EFR3B: variants seen among roughly 807,000 people sequenced by gnomAD.
The protein encoded by EFR3B is protein EFR3 homolog B.
Under a neutral mutation model 104.7 loss-of-function variants are expected in EFR3B, and 64 were observed. That is an observed-to-expected ratio of 0.61 (90% CI 0.50 to 0.75). The LOEUF (loss-of-function observed/expected upper bound fraction) is 0.75. Among genes scored for constraint, EFR3B ranks in the 30% least tolerant of loss-of-function variants. The pLI is 0.00. For missense variants in EFR3B, 750 were observed against 1,078.5 expected, an observed-to-expected ratio of 0.70 and a Z score of 4.27; for synonymous variants, 385 against 417.9, an observed-to-expected ratio of 0.92 and a Z score of 0.96.
chr2:25,105,250 T>G (rs1294072381), intron 4 of EFR3B, among the ~76,000 whole-genome samples: 2 of 152,202 alleles, frequency 1.3e-5, no homozygotes, highest in African/African-American at 4.8e-5. Flanking sequence ...CCTCCTGGGT[T>G]CAAGTAATTC....
chr2:25,137,637 G>GCCAA lies in EFR3B; in HGVS notation c.1722+138_1722+139insACCA. On this transcript the variant is annotated intron_variant, in intron 15 of 22. Transcript: ENST00000403714. This position sits in a 1 kb window ranked among gnomAD's most constrained non-coding sequence, Gnocchi z 4.7. ...CCCAGGAATATTGTACTCGTGGTTG[G>GCCAA]CCACGCCTCCCTGAAGACCCCAAAC... 7.7e-7 allele frequency: 1 copy of GCCAA among 1,295,878 alleles called. No individual in the cohort carries two copies. Among genetic ancestry groups the GCCAA allele is most frequent in the Non-Finnish European group, 1.0e-6 (1 of 952,758 alleles). The allele number at this position is 1,295,878 out of a possible 1,614,324, so 80.3% of individuals were successfully genotyped here. A position where few individuals can be genotyped will look rare whatever the true frequency, so the allele number is the denominator to read the frequency against.
At chr2:25,047,059 T>C (rs1222238997) in intron 1 of EFR3B, among the ~76,000 whole-genome samples, 1 of 152,192 alleles carries the variant, frequency 6.6e-6, no homozygotes, top group African/African-American at 2.4e-5. Flanking sequence ...CTCTTGCTGC[T>C]CACAGTTCAG....
intron 5 of EFR3B, among the ~76,000 whole-genome samples, chr2:25,126,368 T>C (rs1376596856): frequency 3.3e-5 from 5 of 152,120 alleles, no homozygotes; most frequent in African/African-American, 1.2e-4. Context: ...TCTTTCTTTT[T>C]TTTTTTTTTG....
At chr2:25,063,392 C>T (rs1668250422) in intron 1 of EFR3B, among the ~76,000 whole-genome samples, 1 of 152,138 alleles carries the variant, frequency 6.6e-6, no homozygotes, top group Admixed American at 6.6e-5. Flanking sequence ...GTATAAGGAC[C>T]TATACTCTCT....
At chr2:25,081,324 G>GA (rs1378992644) in intron 1 of EFR3B, 3 of 904,250 alleles carry the variant, frequency 3.3e-6, no homozygotes, top group Non-Finnish European at 5.3e-6. Flanking sequence ...AACTTCTTTT[G>GA]AACCTGCTTC....
Position 25,042,206 on chromosome 2 carries a change from C to T in EFR3B, c.-107C>T. 8.7e-7 allele frequency: 1 copy of T among 1,147,110 alleles called. No individual in the cohort carries two copies. Among genetic ancestry groups the T allele is most frequent in the Non-Finnish European group, 1.1e-6 (1 of 914,486 alleles). The allele number at this position is 1,147,110 out of a possible 1,614,324, so 71.1% of individuals were successfully genotyped here. A position where few individuals can be genotyped will look rare whatever the true frequency, so the allele number is the denominator to read the frequency against. On this transcript the variant is annotated 5_prime_UTR_variant, in exon 1 of 23. Transcript: ENST00000403714. This position sits in a 1 kb window ranked among gnomAD's most constrained non-coding sequence, Gnocchi z 5.4. Reference sequence around the variant, plus strand: ...CCTCCCCGCCCGGGCCCCTGTCGGCCGCCGCCAGTCCCCGCCCCGACTGTG... The same window carrying T: ...CCTCCCCGCCCGGGCCCCTGTCGGCTGCCGCCAGTCCCCGCCCCGACTGTG...
intron 4 of EFR3B, among the ~76,000 whole-genome samples, chr2:25,104,287 T>C (rs1209578130): frequency 6.6e-6 from 1 of 152,178 alleles, no homozygotes; most frequent in East Asian, 1.9e-4. Flanking sequence ...GAAAATCACT[T>C]GAACCCAGGA....
At chr2:25,145,412 A>T in intron 19 of EFR3B, 1 of 350,892 alleles carries the variant, frequency 2.8e-6, no homozygotes, top group Non-Finnish European at 5.1e-6. Flanking sequence ...CTCTACAAAA[A>T]ATAATTGAAA....
Position 25,055,375 on chromosome 2 carries a change from C to G in EFR3B, c.7+13056C>G, listed in dbSNP as rs186642497. Among the ~76,000 whole-genome samples, 136 of 152,228 alleles carry G rather than the reference C, an allele frequency of 8.9e-4. 1 individual carries two copies. Among genetic ancestry groups the G allele is most frequent in the African/African-American group, 3.2e-3 (131 of 41,552 alleles). ...GTTATACGAGTCCCTCACTGGGGACCCATAGGGACTTTTAAGCTTGGTACT... is the reference window on the plus strand; with the variant it reads ...GTTATACGAGTCCCTCACTGGGGACGCATAGGGACTTTTAAGCTTGGTACT... On this transcript the variant is annotated intron_variant, in intron 1 of 22. Transcript: ENST00000403714.
Position 25,133,034 on chromosome 2 carries a change from C to G in EFR3B, c.1259+20C>G, listed in dbSNP as rs764608762. The G allele has an allele frequency of 1.1e-5, 17 of 1,543,376 alleles. No homozygotes were observed. The East Asian group carries it at 2.0e-4, about 18-fold the overall frequency. On this transcript the variant is annotated intron_variant, in intron 11 of 22. Transcript: ENST00000403714. Reference sequence around the variant, plus strand: ...GACGGGGTGAGCCACCAATCTCCCCCAGCCTGGAGTCCTCCTCTCCCCCAG... The same window carrying G: ...GACGGGGTGAGCCACCAATCTCCCCGAGCCTGGAGTCCTCCTCTCCCCCAG...
Position 25,050,337 on chromosome 2 carries a change from C to T in EFR3B, c.7+8018C>T, listed in dbSNP as rs139486998. ...GAAGCAGAGGAGGAGACAGTTGTTG[C>T]AGCCACAGGTGTGGCTTAAGGAGCA... is the stretch of plus-strand genomic sequence containing the variant. On this transcript the variant is annotated intron_variant, in intron 1 of 22. Coordinates refer to ENST00000403714, the MANE Select transcript of EFR3B (RefSeq NM_014971.2). 5.4e-3 allele frequency among the ~76,000 whole-genome samples: 824 copies of T among 152,166 alleles called. 7 individuals are homozygous for T. Among genetic ancestry groups the T allele is most frequent in the African/African-American group, 0.019 (791 of 41,522 alleles).
rs1395383267 is a variant in EFR3B at position 25,158,103 on chromosome 2, C to T, written c.*3763C>T. ...TAGCCAGGGGTTCTTCTGAACAGCT[C>T]AGGCCAGACCTCTGGGCTCCTCTGG... On this transcript the variant is annotated 3_prime_UTR_variant, in exon 23 of 23. Transcript: ENST00000403714. 1 of 152,312 alleles carries T rather than the reference C, an allele frequency of 6.6e-6. No homozygotes were observed. Among genetic ancestry groups the T allele is most frequent in the Non-Finnish European group, 1.5e-5 (1 of 68,090 alleles). 9.4% of individuals were successfully genotyped at this position (152,312 alleles called of 1,614,324 possible). A position where few individuals can be genotyped will look rare whatever the true frequency, so the allele number is the denominator to read the frequency against.
At chr2:25,071,613 C>G (rs553069223) in intron 1 of EFR3B, among the ~76,000 whole-genome samples, 42 of 152,300 alleles carry the variant, frequency 2.8e-4, no homozygotes, top group Non-Finnish European at 5.7e-4. Context: ...TCGTAACTTT[C>G]ATAGTTTTGG....
At chr2:25,108,252 C>A (rs1669621297) in intron 4 of EFR3B, among the ~76,000 whole-genome samples, 1 of 152,170 alleles carries the variant, frequency 6.6e-6, no homozygotes, top group African/African-American at 2.4e-5. Context: ...TCCTTACTCA[C>A]TGGGGATTCA....
chr2:25,055,805 G>A (rs566736279), intron 1 of EFR3B, among the ~76,000 whole-genome samples: 1 of 152,252 alleles, frequency 6.6e-6, no homozygotes, highest in African/African-American at 2.4e-5. Flanking sequence ...TAGAGCAGAA[G>A]CATACAGGGT....
chr2:25,151,834 T>C (rs1671017352), intron 20 of EFR3B, 80 bp from the exon 21 acceptor site: 5 of 1,471,988 alleles, frequency 3.4e-6, no homozygotes, highest in Middle Eastern at 1.8e-4. Context: ...GCAATGCTCA[T>C]GGACAGTGCT....
intron 1 of EFR3B, among the ~76,000 whole-genome samples, chr2:25,071,203 G>T (rs1337282953): frequency 6.7e-6 from 1 of 149,904 alleles, no homozygotes; most frequent in Non-Finnish European, 1.5e-5. Flanking sequence ...CTCGTGATCC[G>T]CCTGCCTTGG....
In EFR3B at chr2:25,131,678, T is replaced by TGCCTGCGC; in HGVS notation, c.986-69_986-62dup. The TGCCTGCGC allele has an allele frequency of 1.4e-6, 2 of 1,477,914 alleles. No individual in the cohort carries two copies. Among genetic ancestry groups the TGCCTGCGC allele is most frequent in the Non-Finnish European group, 1.8e-6 (2 of 1,108,970 alleles). 91.6% of individuals were successfully genotyped at this position (1,477,914 alleles called of 1,614,324 possible). A position where few individuals can be genotyped will look rare whatever the true frequency, so the allele number is the denominator to read the frequency against. ...GCTGGAAGGGGGCGTGACCCTGCCCTGCCTGCGCGCGGTGCACAGAGGAGG... is the reference window on the plus strand; with the variant it reads ...GCTGGAAGGGGGCGTGACCCTGCCCTGCCTGCGCGCCTGCGCGCGGTGCACAGAGGAGG... On this transcript the variant is annotated intron_variant, in intron 9 of 22. Coordinates refer to ENST00000403714, the MANE Select transcript of EFR3B (RefSeq NM_014971.2). The surrounding 1 kb of genome is among the most constrained non-coding windows in gnomAD (Gnocchi z 7.6).
intron 3 of EFR3B, 120 bp from the exon 4 acceptor site, chr2:25,103,517 G>A: frequency 7.3e-7 from 1 of 1,366,834 alleles, no homozygotes; most frequent in South Asian, 1.5e-5. Flanking sequence ...CAGCCTGTGG[G>A]GGAGCCTCAT....
Sources: allele counts gnomAD v4.1 joint callset (sites outside exome capture counted in the v4.1 genomes callset), GRCh38; gene constraint gnomAD v4.1.1; non-coding constraint Gnocchi (gnomAD v3.1); transcripts MANE v1.5; gene names NCBI Gene and HGNC (gene_info 2026-07-23, HGNC 2026-07-21).